SHROOM3: variants seen among roughly 807,000 people sequenced by gnomAD.
SHROOM3 encodes shroom family member 3.
Under a neutral mutation model 138.6 loss-of-function variants are expected in SHROOM3, and 47 were observed. That is an observed-to-expected ratio of 0.34 (90% CI 0.27 to 0.43). The LOEUF is 0.43. Ranked by LOEUF, SHROOM3 falls within the 20% of genes least tolerant of loss-of-function variation. The probability of loss-of-function intolerance (pLI) is 1.00; values close to 1 mark genes in which losing one functional copy is unlikely to be tolerated. For missense variants in SHROOM3, 2,491 were observed against 2,596.5 expected, an observed-to-expected ratio of 0.96 and a Z score of 0.88; for synonymous variants, 1,062 against 1,063.3, an observed-to-expected ratio of 1.00 and a Z score of 0.02.
At chr4:76,665,894 C>T (rs948980437) in intron 2 of SHROOM3, among the ~76,000 whole-genome samples, 2 of 152,204 alleles carry the variant, frequency 1.3e-5, no homozygotes, top group East Asian at 3.9e-4. Context: ...TGACCCCACG[C>T]CATACCTTCA....
At chr4:76,623,320 T>C (rs1735049484) in intron 2 of SHROOM3, among the ~76,000 whole-genome samples, 1 of 152,170 alleles carries the variant, frequency 6.6e-6, no homozygotes, top group African/African-American at 2.4e-5. Flanking sequence ...TAAGAATGTC[T>C]GGTGTCACTT....
rs10648549 is a variant in SHROOM3 at position 76,693,370 on chromosome 4, G to GTTTTTTTTTTTTTTTTTTTTT, written c.324-16783_324-16763dup. The stretch of plus-strand genomic sequence containing the variant: ...TGCATACCTTCATTTTGATAAGTTT[G>GTTTTTTTTTTTTTTTTTTTTT]TTTTTTTTTTTTTTTTTTTTTTTAA... On this transcript the variant is annotated intron_variant, in intron 2 of 10. Transcript: ENST00000296043. 6.3e-5 allele frequency among the ~76,000 whole-genome samples: 5 copies of GTTTTTTTTTTTTTTTTTTTTT among 79,832 alleles called. 1 individual carries two copies. Among genetic ancestry groups the GTTTTTTTTTTTTTTTTTTTTT allele is most frequent in the African/African-American group, 2.6e-4 (5 of 19,564 alleles). 52.4% of individuals were successfully genotyped at this position (79,832 alleles called of 152,430 possible).
chr4:76,443,208 A>C (rs1730733654), intron 1 of SHROOM3, among the ~76,000 whole-genome samples: 1 of 152,224 alleles, frequency 6.6e-6, no homozygotes, highest in African/African-American at 2.4e-5. Context: ...GATATTTCCT[A>C]TCAATGTTGT....
intron 2 of SHROOM3, among the ~76,000 whole-genome samples, chr4:76,643,163 G>A (rs1010303894): frequency 1.4e-5 from 2 of 145,352 alleles, no homozygotes; most frequent in Non-Finnish European, 1.5e-5. Context: ...GTGGTGAGCC[G>A]AAATTGCACC....
At chr4:76,488,125 A>G (rs1579188592) in intron 1 of SHROOM3, among the ~76,000 whole-genome samples, 1 of 152,288 alleles carries the variant, frequency 6.6e-6, no homozygotes. Flanking sequence ...TGAGGATGAT[A>G]AAAAGAGTGT....
At chr4:76,766,594 A>G (rs764835585) in intron 9 of SHROOM3, among the ~76,000 whole-genome samples, 1 of 152,224 alleles carries the variant, frequency 6.6e-6, no homozygotes, top group Non-Finnish European at 1.5e-5. Context: ...TTTAAAACAA[A>G]ACACACCTCT....
In SHROOM3 at chr4:76,467,285, C is replaced by T. The variant is rs566225164; in HGVS notation, c.168+31065C>T. 6.6e-5 allele frequency among the ~76,000 whole-genome samples: 10 copies of T among 152,172 alleles called. No individual in the cohort carries two copies. The East Asian group carries it at 1.4e-3, about 21-fold the overall frequency. On this transcript the variant is annotated intron_variant, in intron 1 of 10. Transcript: ENST00000296043. ...TGCTCTTGAACTCCTGGGCTCAAGC[C>T]ATCTGCCTGCCTCTGCTTCCTAAAG...
rs945150046 is a variant in SHROOM3, at chr4:76,712,589, C to T, written c.455+2302C>T. Among the ~76,000 whole-genome samples, 5 of 152,150 alleles carry T rather than the reference C, an allele frequency of 3.3e-5. No individual in the cohort carries two copies. The East Asian group carries it at 5.8e-4, about 18-fold the overall frequency. ...CAGTGTGGTCAAAGCTGGCCGATGG[C>T]GCTATGTCTGTATGGAGAACATAAG... On this transcript the variant is annotated intron_variant, in intron 3 of 10. Coordinates refer to ENST00000296043, the MANE Select transcript of SHROOM3 (RefSeq NM_020859.4).
intron 1 of SHROOM3, among the ~76,000 whole-genome samples, chr4:76,495,266 C>A (rs1445134407): frequency 6.6e-6 from 1 of 152,216 alleles, no homozygotes; most frequent in African/African-American, 2.4e-5. Flanking sequence ...CAGCTGTAAG[C>A]TGTTGTATTG....
At chr4:76,461,703 A>G (rs1731145882) in intron 1 of SHROOM3, among the ~76,000 whole-genome samples, 1 of 151,896 alleles carries the variant, frequency 6.6e-6, no homozygotes, top group Admixed American at 6.6e-5. Context: ...CAAAAGGCTT[A>G]TGGTAATTCT....
chr4:76,538,179 G>A (rs762346123), intron 1 of SHROOM3, among the ~76,000 whole-genome samples: 3 of 152,210 alleles, frequency 2.0e-5, no homozygotes, highest in Non-Finnish European at 4.4e-5. Flanking sequence ...GATTACAGGC[G>A]TGAGCCACTG....
rs1175908021 is a variant in SHROOM3, at chr4:76,782,862, T to A, written c.*3685T>A. On this transcript the variant is annotated 3_prime_UTR_variant, in exon 11 of 11. Transcript: ENST00000296043. ...ACTCTTTGGGATGCATAGGATAAAA[T>A]GATAAAGACCATTTTAATATCAGAA... is the stretch of plus-strand genomic sequence containing the variant. 6.6e-6 allele frequency: 1 copy of A among 152,204 alleles called. No individual in the cohort carries two copies. Among genetic ancestry groups the A allele is most frequent in the African/African-American group, 2.4e-5 (1 of 41,452 alleles). The allele number at this position is 152,204 out of a possible 1,614,324, so 9.4% of individuals were successfully genotyped here.
At chr4:76,613,674 G>T (rs760524587) in intron 2 of SHROOM3, among the ~76,000 whole-genome samples, 2 of 152,160 alleles carry the variant, frequency 1.3e-5, no homozygotes, top group African/African-American at 2.4e-5. Context: ...TTGTTATAAT[G>T]TTGATAGCAA....
intron 9 of SHROOM3, among the ~76,000 whole-genome samples, chr4:76,763,749 G>A (rs1345298177): frequency 1.3e-5 from 2 of 152,152 alleles, no homozygotes; most frequent in Non-Finnish European, 2.9e-5. Flanking sequence ...TTAGTTTGTT[G>A]TAATGAACTA....
intron 2 of SHROOM3, chr4:76,688,652 A>G (rs972773327): frequency 8.1e-6 from 8 of 985,268 alleles, no homozygotes; most frequent in Non-Finnish European, 8.4e-6. Context: ...TGAAACTTAA[A>G]CTAGCACCAT....
At chr4:76,746,470 C>G (rs910955486) in intron 5 of SHROOM3, among the ~76,000 whole-genome samples, 96 of 152,214 alleles carry the variant, frequency 6.3e-4, no homozygotes, top group African/African-American at 2.3e-3. Flanking sequence ...AGCAATAGGC[C>G]TATACCATAT....
chr4:76,685,054 C>T (rs1381491688), intron 2 of SHROOM3, among the ~76,000 whole-genome samples: 2 of 152,126 alleles, frequency 1.3e-5, no homozygotes, highest in Non-Finnish European at 2.9e-5. Context: ...ATATATTGTT[C>T]ACAGTAAACC....
intron 1 of SHROOM3, among the ~76,000 whole-genome samples, chr4:76,453,671 T>C (rs1730972165): frequency 6.6e-6 from 1 of 152,236 alleles, no homozygotes; most frequent in African/African-American, 2.4e-5. Flanking sequence ...TGGCCATCAA[T>C]ACATCTTCTT....
chr4:76,597,262 G>C (rs1276807915), intron 2 of SHROOM3, among the ~76,000 whole-genome samples: 5 of 152,172 alleles, frequency 3.3e-5, no homozygotes, highest in Non-Finnish European at 7.3e-5. Context: ...TAGGAGAAGA[G>C]AATTGTGGTT....
Sources: allele counts gnomAD v4.1 joint callset (sites outside exome capture counted in the v4.1 genomes callset), GRCh38; gene constraint gnomAD v4.1.1; transcripts MANE v1.5; gene names NCBI Gene and HGNC (gene_info 2026-07-23, HGNC 2026-07-21).